ZNF79: variants seen among roughly 807,000 people sequenced by gnomAD.
The protein encoded by ZNF79 is ZNFpT7.
ZNF79 carries 13 observed loss-of-function variants against 14.9 expected under a neutral mutation model. The observed-to-expected ratio is 0.87, with a 90% CI of 0.57 to 1.38. ZNF79 has a LOEUF of 1.38. ZNF79 is among the 40% of genes most tolerant of loss of function. The pLI, the probability that ZNF79 is intolerant of heterozygous loss-of-function variation, is 0.00. For synonymous variants in ZNF79, 223 were observed against 235.1 expected (o/e 0.95, Z 0.47); for missense variants, 631 against 630.6 (o/e 1.00, Z -0.01).
intron 4 of ZNF79, among the ~76,000 whole-genome samples, chr9:127,441,273 T>C (rs1244200545): frequency 6.6e-6 from 1 of 152,144 alleles, no homozygotes; most frequent in Non-Finnish European, 1.5e-5. Flanking sequence ...GGATGGTTTA[T>C]AAGGAGAAGG....
chr9:127,427,374 G>T (rs1194234958), intron 1 of ZNF79, among the ~76,000 whole-genome samples: 1 of 149,840 alleles, frequency 6.7e-6, no homozygotes, highest in Non-Finnish European at 1.5e-5. Flanking sequence ...AGTGAGCCAA[G>T]ATTGTGCCAT....
chr9:127,437,161 C>A (rs570372166), intron 4 of ZNF79, among the ~76,000 whole-genome samples: 52 of 152,226 alleles, frequency 3.4e-4, no homozygotes, highest in African/African-American at 1.2e-3. Context: ...GGCACAAGCC[C>A]CTGGAGCATT....
chr9:127,444,028 G>T lies in ZNF79; in HGVS notation c.329-1G>T. On this transcript the variant is annotated splice_acceptor_variant, in intron 4 of 4. Transcript: ENST00000342483. LOFTEE classifies it high-confidence loss of function. Reference sequence around the variant, plus strand: ...ACAACAGCTTTTCATTTTTTTTTCAGGCTGGAAGATTATATCTGGATCACC... The same window carrying T: ...ACAACAGCTTTTCATTTTTTTTTCATGCTGGAAGATTATATCTGGATCACC... 2.6e-6 allele frequency: 4 copies of T among 1,561,302 alleles called. No individual in the cohort carries two copies. The highest frequency in any genetic ancestry group is 1.4e-5 in the African/African-American group (1 of 71,962).
chr9:127,428,751 T>G, intron 1 of ZNF79, 81 bp from the exon 2 acceptor site: 1 of 1,315,404 alleles, frequency 7.6e-7, no homozygotes, highest in African/African-American at 1.5e-5. Flanking sequence ...CCCTGATACC[T>G]GCTATGTCCC....
chr9:127,444,279 T>C lies in ZNF79; in HGVS notation c.579T>C (p.Tyr193=), dbSNP rs774361442. The C allele has an allele frequency of 1.2e-6, 2 of 1,613,914 alleles. No individual in the cohort carries two copies. The highest frequency in any genetic ancestry group is 2.2e-5 in the East Asian group (1 of 44,856). The change falls in exon 5 of 5, where the codon TAT becomes TAC. Residue 193 remains tyrosine (Y), a synonymous_variant. Transcript: ENST00000342483. ...EILKPHRAKP[Y]ACNECGKAFS... ...TGAAACCTCACAGAGCAAAACCATA[T>C]GCATGTAATGAATGTGGCAAAGCCT...
At chr9:127,439,111 C>CAGA (rs1554750283) in intron 4 of ZNF79, among the ~76,000 whole-genome samples, 2 of 145,500 alleles carry the variant, frequency 1.4e-5, no homozygotes, top group Non-Finnish European at 3.0e-5. Flanking sequence ...GACTCTGTCA[C>CAGA]AAAAAAAAAG....
intron 2 of ZNF79, 68 bp from the exon 3 acceptor site, chr9:127,435,022 A>C (rs912176468): frequency 6.7e-6 from 10 of 1,502,960 alleles, no homozygotes; most frequent in African/African-American, 1.4e-5. Context: ...AAAACTGCCA[A>C]CGTTAACCAC....
intron 4 of ZNF79, among the ~76,000 whole-genome samples, chr9:127,442,115 A>G (rs12380014): frequency 0.42 from 62,228 of 146,516 alleles, 13,905 homozygotes; most frequent in Middle Eastern, 0.52. Flanking sequence ...GAAGCTCCAT[A>G]TTAGGCCGGG....
intron 4 of ZNF79, 76 bp from the exon 5 acceptor site, chr9:127,443,953 G>A (rs12343211): frequency 8.6e-7 from 1 of 1,169,486 alleles, no homozygotes; most frequent in Non-Finnish European, 1.2e-6. Flanking sequence ...GTGTGTGTAA[G>A]AGCTTGGCCA....
rs1344701982 is a variant in ZNF79, at chr9:127,444,574, C to T, written c.874C>T (p.Leu292Phe). The change falls in exon 5 of 5, where the codon CTT (leucine) becomes TTT (phenylalanine). Residue 292 changes from leucine (L) to phenylalanine (F), a missense_variant. Leu to Phe is a conservative substitution (Grantham distance 22). Transcript: ENST00000342483. ...CEKAFSDCSA[L>F]VQHQRIHTGE... The stretch of plus-strand genomic sequence containing the variant: ...GAAAGCCTTCAGTGACTGCTCAGCT[C>T]TTGTTCAGCATCAGAGAATTCATAC... 6.2e-7 allele frequency: 1 copy of T among 1,614,102 alleles called. No homozygotes were observed. Among genetic ancestry groups the T allele is most frequent in the South Asian group, 1.1e-5 (1 of 91,076 alleles).
At chr9:127,424,837 A>G (rs755830214) in intron 1 of ZNF79, 34 bp downstream of exon 1, 4 of 1,613,120 alleles carry the variant, frequency 2.5e-6, no homozygotes, top group South Asian at 1.1e-5. Context: ...TTGTCAAGAG[A>G]TCGGCTGCTG....
chr9:127,435,823 C>A, intron 3 of ZNF79, 85 bp from the exon 4 acceptor site: 1 of 1,058,398 alleles, frequency 9.4e-7, no homozygotes, highest in South Asian at 1.3e-5. Flanking sequence ...AACAGTCCAA[C>A]TGGCCTACTT....
intron 4 of ZNF79, among the ~76,000 whole-genome samples, chr9:127,442,680 T>G (rs1291447233): frequency 6.6e-6 from 1 of 151,846 alleles, no homozygotes; most frequent in Admixed American, 6.6e-5. Flanking sequence ...CCAGGCAACT[T>G]GGCAAAACCC....
At chr9:127,435,315 C>A in intron 3 of ZNF79, 99 bp downstream of exon 3, 1 of 1,343,932 alleles carries the variant, frequency 7.4e-7, no homozygotes, top group Non-Finnish European at 9.9e-7. Flanking sequence ...GTGTGATGTA[C>A]CAGAGGGATG....
intron 2 of ZNF79, among the ~76,000 whole-genome samples, chr9:127,429,935 G>A (rs1833830951): frequency 6.6e-6 from 1 of 151,512 alleles, no homozygotes; most frequent in African/African-American, 2.4e-5. Context: ...TCCTGCCTCA[G>A]CCTCCCAAGT....
intron 2 of ZNF79, among the ~76,000 whole-genome samples, chr9:127,430,691 G>T (rs556071839): frequency 6.6e-6 from 1 of 152,326 alleles, no homozygotes; most frequent in Admixed American, 6.5e-5. Flanking sequence ...CAGGCACCTG[G>T]GTTGACTGCA....
intron 2 of ZNF79, among the ~76,000 whole-genome samples, chr9:127,432,930 AT>A (rs1833886146): frequency 6.6e-6 from 1 of 152,104 alleles, no homozygotes; most frequent in Admixed American, 6.6e-5. Context: ...TTACACAAAG[AT>A]TTTAAATATT....
Position 127,435,215 on chromosome 9 carries a change from A to G in ZNF79, c.231A>G (p.Leu77=). The G allele has an allele frequency of 1.3e-6, 2 of 1,582,996 alleles. No individual in the cohort carries two copies. Among genetic ancestry groups the G allele is most frequent in the East Asian group, 2.3e-5 (1 of 44,388 alleles). The change falls in exon 3 of 5, where the codon CTA becomes CTG. Residue 77 remains leucine, a splice_region_variant and synonymous_variant. Transcript: ENST00000342483. ...IPGKSRSLVL[L]GLPVSQPGMN... Reference sequence around the variant, plus strand: ...GAAAGTCCAGGAGCCTTGTCCTACTAGGTAAGGAAACTGTTTCTTTAAGAT... The same window carrying G: ...GAAAGTCCAGGAGCCTTGTCCTACTGGGTAAGGAAACTGTTTCTTTAAGAT...
chr9:127,433,571 C>T (rs1218310314), intron 2 of ZNF79, among the ~76,000 whole-genome samples: 2 of 152,196 alleles, frequency 1.3e-5, no homozygotes, highest in Non-Finnish European at 2.9e-5. Flanking sequence ...ATGCATTACA[C>T]AGAGTAGGTG....
Sources: gnomAD v4.1 joint callset for allele counts (sites outside exome capture counted in the v4.1 genomes callset) on GRCh38, gnomAD v4.1.1 for gene constraint, MANE v1.5 for transcripts, NCBI Gene and HGNC (gene_info 2026-07-23, HGNC 2026-07-21) for gene names.